DACH1: variants seen among roughly 807,000 people sequenced by gnomAD.
DACH1 encodes the protein dachshund homolog 1.
DACH1 carries 12 observed loss-of-function variants against 54.2 expected under a neutral mutation model. That is an observed-to-expected ratio of 0.22 (90% CI 0.14 to 0.36). DACH1 has a LOEUF of 0.36. Ranked by LOEUF, DACH1 falls within the 10% of genes least tolerant of loss-of-function variation. The pLI is 1.00. For missense variants in DACH1, 805 were observed against 929.8 expected (o/e 0.87, Z 1.75); for synonymous variants, 386 against 366.2 (o/e 1.05, Z -0.62).
intron 1 of DACH1, among the ~76,000 whole-genome samples, chr13:71,845,492 G>A (rs982310315): frequency 1.3e-5 from 2 of 152,114 alleles, no homozygotes; most frequent in African/African-American, 2.4e-5. Flanking sequence ...TCATTGACAT[G>A]GGATGATGAA....
intron 2 of DACH1, among the ~76,000 whole-genome samples, chr13:71,670,860 A>G (rs1880167180): frequency 6.6e-6 from 1 of 152,046 alleles, no homozygotes; most frequent in Non-Finnish European, 1.5e-5. Flanking sequence ...TAAAAAGATT[A>G]TTTTTACAGG....
At chr13:71,727,251 G>A (rs927661500) in intron 1 of DACH1, among the ~76,000 whole-genome samples, 1 of 152,044 alleles carries the variant, frequency 6.6e-6, no homozygotes, top group Non-Finnish European at 1.5e-5. Context: ...AATTACTCAA[G>A]TATGAAAGGA....
intron 1 of DACH1, among the ~76,000 whole-genome samples, chr13:71,830,757 T>C (rs1263536115): frequency 1.3e-5 from 2 of 151,868 alleles, no homozygotes; most frequent in Admixed American, 6.6e-5. Flanking sequence ...ATCTATCTTA[T>C]GCCTAATAAA....
At chr13:71,770,765 C>T (rs1207156010) in intron 1 of DACH1, among the ~76,000 whole-genome samples, 1 of 151,482 alleles carries the variant, frequency 6.6e-6, no homozygotes, top group African/African-American at 2.4e-5. Flanking sequence ...CTAGTAAATT[C>T]CATGTAAGCA....
At chr13:71,757,858 A>G (rs1202348210) in intron 1 of DACH1, among the ~76,000 whole-genome samples, 1 of 152,100 alleles carries the variant, frequency 6.6e-6, no homozygotes, top group Non-Finnish European at 1.5e-5. Context: ...CCAGTTGTTG[A>G]TAATCACAAT....
intron 3 of DACH1, among the ~76,000 whole-genome samples, chr13:71,587,936 C>CAAT (rs1395606769): frequency 6.6e-6 from 1 of 152,114 alleles, no homozygotes; most frequent in Non-Finnish European, 1.5e-5. Context: ...TGTTGTGTAG[C>CAAT]AATGATTCTG....
intron 6 of DACH1, among the ~76,000 whole-genome samples, chr13:71,496,263 A>ATC (rs1879405621): frequency 8.2e-5 from 1 of 12,136 alleles, no homozygotes; most frequent in Non-Finnish European, 1.9e-4. Context: ...ATTGCTATGT[A>ATC]TATATATATA....
chr13:71,560,979 G>A (rs539303047), intron 4 of DACH1, among the ~76,000 whole-genome samples: 41 of 152,166 alleles, frequency 2.7e-4, no homozygotes, highest in Non-Finnish European at 4.6e-4. Flanking sequence ...GAGAAAATAT[G>A]CAATTACAAA....
intron 1 of DACH1, among the ~76,000 whole-genome samples, chr13:71,804,368 C>A (rs1317353134): frequency 6.6e-6 from 1 of 152,068 alleles, no homozygotes; most frequent in African/African-American, 2.4e-5. Context: ...TGGGAGAATG[C>A]ACCCAAGACA....
chr13:71,722,960 CTT>C (rs1883297674), intron 1 of DACH1, among the ~76,000 whole-genome samples: 3 of 152,098 alleles, frequency 2.0e-5, no homozygotes, highest in Non-Finnish European at 4.4e-5. Context: ...TATTTGGAGA[CTT>C]TGTAAAGGAA....
At chr13:71,449,569 A>G (rs1168869310) in intron 10 of DACH1, among the ~76,000 whole-genome samples, 2 of 151,902 alleles carry the variant, frequency 1.3e-5, no homozygotes, top group Admixed American at 1.3e-4. Context: ...CAAATACCTA[A>G]TGCATGCAGG....
At chr13:71,492,079 TTTC>T (rs1380908973) in intron 6 of DACH1, among the ~76,000 whole-genome samples, 2 of 152,182 alleles carry the variant, frequency 1.3e-5, no homozygotes, top group African/African-American at 2.4e-5. Flanking sequence ...GACAATGTAA[TTTC>T]TTGTTTTTTT....
intron 4 of DACH1, among the ~76,000 whole-genome samples, chr13:71,569,674 T>A (rs964900485): frequency 6.6e-6 from 1 of 152,148 alleles, no homozygotes; most frequent in African/African-American, 2.4e-5. Flanking sequence ...AGAATATTTT[T>A]AAAATATATA....
At chr13:71,755,990 A>G (rs1327354103) in intron 1 of DACH1, among the ~76,000 whole-genome samples, 1 of 152,094 alleles carries the variant, frequency 6.6e-6, no homozygotes, top group Non-Finnish European at 1.5e-5. Flanking sequence ...AATTTAAATT[A>G]TTTAAATTTA....
chr13:71,504,987 T>C (rs1880196639), intron 6 of DACH1, among the ~76,000 whole-genome samples: 1 of 152,182 alleles, frequency 6.6e-6, no homozygotes, highest in African/African-American at 2.4e-5. Context: ...ATTAATCTCT[T>C]CGACTATTTG....
At chr13:71,660,384 T>A (rs1402900040) in intron 2 of DACH1, among the ~76,000 whole-genome samples, 2 of 152,150 alleles carry the variant, frequency 1.3e-5, no homozygotes, top group Non-Finnish European at 2.9e-5. Flanking sequence ...ATATAAAATA[T>A]GTATACCCAT....
intron 1 of DACH1, among the ~76,000 whole-genome samples, chr13:71,812,963 AGTC>A (rs1221166686): frequency 6.6e-6 from 1 of 152,208 alleles, no homozygotes; most frequent in Non-Finnish European, 1.5e-5. Flanking sequence ...AGATGTGAAA[AGTC>A]ATCACTGCCC....
intron 6 of DACH1, among the ~76,000 whole-genome samples, chr13:71,541,635 T>C (rs1320458934): frequency 1.3e-5 from 2 of 152,192 alleles, no homozygotes; most frequent in Middle Eastern, 6.8e-3. Flanking sequence ...TACATTTTTA[T>C]TGATAATATC....
intron 1 of DACH1, among the ~76,000 whole-genome samples, chr13:71,739,037 G>A (rs1884271193): frequency 6.6e-6 from 1 of 151,944 alleles, no homozygotes; most frequent in African/African-American, 2.4e-5. Flanking sequence ...CGGATCACCT[G>A]AGGTCAGGAG....
Sources: gnomAD v4.1 joint callset for allele counts (sites outside exome capture counted in the v4.1 genomes callset) on GRCh38, gnomAD v4.1.1 for gene constraint, MANE v1.5 for transcripts, NCBI Gene and HGNC (gene_info 2026-07-23, HGNC 2026-07-21) for gene names.